The following TNKS variants were observed in gnomAD, a reference collection of about 807,000 sequenced individuals.
TNKS encodes tankyrase.
Under a neutral mutation model 135.8 loss-of-function variants are expected in TNKS, and 72 were observed. The ratio of observed to expected loss-of-function variants is 0.53; its 90% CI spans 0.44 to 0.64. The LOEUF (loss-of-function observed/expected upper bound fraction) is 0.64. Among genes scored for constraint, TNKS ranks in the 30% least tolerant of loss-of-function variants. The probability of loss-of-function intolerance (pLI) is 0.00; values close to 1 mark genes in which losing one functional copy is unlikely to be tolerated. For synonymous variants in TNKS, 849 were observed against 649.3 expected (o/e 1.31, Z -4.68); for missense variants, 1,769 against 1,674.0 (o/e 1.06, Z -0.99).
chr8:9,577,232 T>C (rs1797984023), intron 1 of TNKS, among the ~76,000 whole-genome samples: 1 of 152,204 alleles, frequency 6.6e-6, no homozygotes, highest in Admixed American at 6.5e-5. Context: ...TTTAAATGTA[T>C]ACCTATTGAT....
chr8:9,566,674 T>C (rs1797555950), intron 1 of TNKS: 1 of 134,244 alleles, frequency 7.4e-6, no homozygotes, highest in South Asian at 2.7e-4. Flanking sequence ...AGTGGCGCAA[T>C]CTCGGCTCAC....
intron 20 of TNKS, among the ~76,000 whole-genome samples, chr8:9,759,284 G>T (rs1234228646): frequency 6.6e-6 from 1 of 152,200 alleles, no homozygotes; most frequent in East Asian, 1.9e-4. Flanking sequence ...CGCCCAAGAT[G>T]GAGGCCACAG....
At chr8:9,775,636 CCTATT>C (rs998491033) in intron 26 of TNKS, among the ~76,000 whole-genome samples, 1 of 151,108 alleles carries the variant, frequency 6.6e-6, no homozygotes, top group Non-Finnish European at 1.5e-5. Flanking sequence ...CTATGCCAGA[CCTATT>C]CTAAGACTTT....
intron 3 of TNKS, among the ~76,000 whole-genome samples, chr8:9,639,230 T>C (rs1800633645): frequency 1.3e-5 from 2 of 152,156 alleles, no homozygotes; most frequent in Non-Finnish European, 2.9e-5. Context: ...TCAGGAAAAC[T>C]CGTTTATTTT....
intron 2 of TNKS, among the ~76,000 whole-genome samples, chr8:9,600,048 G>C (rs1206620022): frequency 6.6e-6 from 1 of 152,070 alleles, no homozygotes; most frequent in Non-Finnish European, 1.5e-5. Flanking sequence ...ATGTGCATAG[G>C]CTTGTTTTGT....
chr8:9,591,445 G>A (rs1469068701), intron 2 of TNKS, among the ~76,000 whole-genome samples: 2 of 152,358 alleles, frequency 1.3e-5, no homozygotes, highest in Middle Eastern at 3.4e-3. Context: ...GGATCCCTGA[G>A]AGTGGGATTG....
At chr8:9,590,452 C>T (rs1413740885) in intron 2 of TNKS, among the ~76,000 whole-genome samples, 1 of 152,172 alleles carries the variant, frequency 6.6e-6, no homozygotes, top group South Asian at 2.1e-4. Flanking sequence ...GCACTTATTA[C>T]CTGGAATTAT....
At chr8:9,626,187 C>T (rs553062363) in intron 3 of TNKS, among the ~76,000 whole-genome samples, 1 of 152,012 alleles carries the variant, frequency 6.6e-6, no homozygotes. Flanking sequence ...CTCTAAATTC[C>T]ACTTTATATG....
At chr8:9,652,029 A>C (rs1801166128) in intron 3 of TNKS, among the ~76,000 whole-genome samples, 1 of 152,212 alleles carries the variant, frequency 6.6e-6, no homozygotes, top group Non-Finnish European at 1.5e-5. Context: ...AGTAAATGTG[A>C]AGTTTAAAAT....
chr8:9,712,990 C>T (rs1804414276), intron 11 of TNKS, among the ~76,000 whole-genome samples: 1 of 152,090 alleles, frequency 6.6e-6, no homozygotes, highest in Non-Finnish European at 1.5e-5. Context: ...TAGTATAGCA[C>T]TTCTTGGTTA....
intron 2 of TNKS, among the ~76,000 whole-genome samples, chr8:9,603,463 C>T (rs1007266830): frequency 9.9e-5 from 15 of 152,158 alleles, no homozygotes; most frequent in African/African-American, 3.4e-4. Flanking sequence ...TATTGGGCAG[C>T]ATAACTCTAG....
intron 14 of TNKS, among the ~76,000 whole-genome samples, chr8:9,731,757 G>A (rs1416399955): frequency 6.6e-6 from 1 of 152,058 alleles, no homozygotes; most frequent in African/African-American, 2.4e-5. Flanking sequence ...TTTAATGCTT[G>A]TATATAGTAT....
intron 3 of TNKS, among the ~76,000 whole-genome samples, chr8:9,652,177 A>T (rs1054137026): frequency 2.8e-4 from 43 of 152,210 alleles, no homozygotes; most frequent in African/African-American, 1.0e-3. Flanking sequence ...GAACTATCAG[A>T]TAGATATTTG....
At chr8:9,573,718 G>A (rs1373231686) in intron 1 of TNKS, among the ~76,000 whole-genome samples, 1 of 152,170 alleles carries the variant, frequency 6.6e-6, no homozygotes, top group Admixed American at 6.5e-5. Flanking sequence ...TGGTATATAA[G>A]TGTAGGTTAA....
In TNKS at chr8:9,751,855, AC is replaced by A; in HGVS notation, c.3070+13del. The A allele has an allele frequency of 6.2e-7, 1 of 1,612,130 alleles. No homozygotes were observed. The highest frequency in any genetic ancestry group is 8.5e-7 in the Non-Finnish European group (1 of 1,178,298). ...AAGGAAGGAAGGAGAAGGTGAGTAGACCCCATGAATGCTTATTTATTTATAC... is the reference window on the plus strand; with the variant it reads ...AAGGAAGGAAGGAGAAGGTGAGTAGACCCATGAATGCTTATTTATTTATAC... On this transcript the variant is annotated intron_variant, in intron 19 of 26. Transcript: ENST00000310430.
chr8:9,726,175 G>A (rs1336318615), intron 12 of TNKS, among the ~76,000 whole-genome samples: 1 of 152,140 alleles, frequency 6.6e-6, no homozygotes, highest in East Asian at 1.9e-4. Flanking sequence ...AGGATCACTT[G>A]AGCCCAGGAG....
chr8:9,581,534 A>C (rs1311297814), intron 2 of TNKS, among the ~76,000 whole-genome samples: 1 of 152,172 alleles, frequency 6.6e-6, no homozygotes, highest in African/African-American at 2.4e-5. Flanking sequence ...CTGACTACAA[A>C]GCCTCTTATG....
At chr8:9,594,104 C>G (rs1177590079) in intron 2 of TNKS, among the ~76,000 whole-genome samples, 2 of 152,144 alleles carry the variant, frequency 1.3e-5, no homozygotes, top group African/African-American at 2.4e-5. Flanking sequence ...CCGGGCTGGT[C>G]TCAGACTCCT....
intron 17 of TNKS, among the ~76,000 whole-genome samples, chr8:9,746,008 T>C (rs986087626): frequency 6.6e-6 from 1 of 152,184 alleles, no homozygotes; most frequent in Non-Finnish European, 1.5e-5. Flanking sequence ...TTCTTGGCCT[T>C]CCCTGTCTTT....
Sources: gnomAD v4.1 joint callset for allele counts (sites outside exome capture counted in the v4.1 genomes callset) on GRCh38, gnomAD v4.1.1 for gene constraint, MANE v1.5 for transcripts, NCBI Gene and HGNC (gene_info 2026-07-23, HGNC 2026-07-21) for gene names.